Variants in PRXL2C observed in about 807,000 individuals in gnomAD.
PRXL2C encodes peroxiredoxin like 2C, also known as peroxiredoxin-like 2C.
In PRXL2C, 38 loss-of-function variants were observed where a neutral mutation model predicts 24.9. The ratio of observed to expected loss-of-function variants is 1.53; its 90% CI spans 1.18 to 2.00. The LOEUF (loss-of-function observed/expected upper bound fraction) is 2.00. PRXL2C is among the 30% of genes most tolerant of loss of function. The pLI is 0.00. For synonymous variants in PRXL2C, 98 were observed against 117.2 expected (o/e 0.84, Z 1.06); for missense variants, 294 against 290.9 (o/e 1.01, Z -0.08).
At chr9:96,647,498 AT>A (rs1487134250) in intron 4 of PRXL2C, among the ~76,000 whole-genome samples, 3 of 152,198 alleles carry the variant, frequency 2.0e-5, no homozygotes, top group Non-Finnish European at 2.9e-5. Context: ...GCTCACTAGC[AT>A]AGAGACTTGA....
intron 4 of PRXL2C, among the ~76,000 whole-genome samples, chr9:96,648,903 A>G (rs1848230479): frequency 6.6e-6 from 1 of 152,048 alleles, no homozygotes; most frequent in African/African-American, 2.4e-5. Context: ...TCTCCCGAGT[A>G]GCTGGGATTA....
intron 5 of PRXL2C, among the ~76,000 whole-genome samples, chr9:96,643,935 C>T (rs1188029855): frequency 6.6e-6 from 1 of 151,908 alleles, no homozygotes; most frequent in Non-Finnish European, 1.5e-5. Context: ...GTAATTGAGA[C>T]CATTCTGGCC....
chr9:96,649,637 C>T (rs1848244180), intron 4 of PRXL2C, among the ~76,000 whole-genome samples: 1 of 151,770 alleles, frequency 6.6e-6, no homozygotes, highest in South Asian at 2.1e-4. Context: ...AAACAGCTCC[C>T]AGACCCATCC....
rs1339275472 is a variant in PRXL2C, at chr9:96,645,794, C to A, written c.553+99G>T. The A allele has an allele frequency of 3.0e-6, 4 of 1,330,304 alleles. No individual in the cohort carries two copies. In the South Asian group the frequency reaches 6.0e-5, roughly 20 times the overall value. 82.4% of individuals were successfully genotyped at this position (1,330,304 alleles called of 1,614,324 possible). On this transcript the variant is annotated intron_variant, in intron 5 of 5. Transcript: ENST00000375234. ...CCTTGGCGACAGAGCGAGACTCCCTCTCGAAAAAAAAAAAAAAGGAAAAGA... is the reference window on the plus strand; with the variant it reads ...CCTTGGCGACAGAGCGAGACTCCCTATCGAAAAAAAAAAAAAAGGAAAAGA...
In PRXL2C at chr9:96,645,929, G is replaced by C. The variant is rs200680221; in HGVS notation, c.517C>G (p.Pro173Ala). 115 of 1,613,344 alleles carry C rather than the reference G, an allele frequency of 7.1e-5. No individual in the cohort carries two copies. Among genetic ancestry groups the C allele is most frequent in the Middle Eastern group, 3.4e-4 (2 of 5,858 alleles). ...ATGAGGGTTCCACCTTGCTGAGCTG[G>C]GTCTCCTTGAAAATCAAAGAGAGGG... ...TGPLFDFQGDPAQQGGTLILG... is the reference protein window; with the variant it reads ...TGPLFDFQGDAAQQGGTLILG... Residue 173 changes from proline to alanine, a missense_variant, in exon 5 of 6, where the codon CCA becomes GCA. Pro to Ala is a conservative substitution (Grantham distance 27). Transcript: ENST00000375234.
intron 2 of PRXL2C, among the ~76,000 whole-genome samples, chr9:96,653,602 T>G (rs1345135402): frequency 6.6e-6 from 1 of 152,192 alleles, no homozygotes; most frequent in Non-Finnish European, 1.5e-5. Context: ...CACAAAAAAC[T>G]AAAATCACTA....
chr9:96,655,052 T>G (rs771491568), intron 1 of PRXL2C, 38 bp downstream of exon 1: 1 of 1,456,922 alleles, frequency 6.9e-7, no homozygotes, highest in South Asian at 1.3e-5. Context: ...CCCGGGACCC[T>G]GGGCCGCGCT....
At position 96,654,752 on chromosome 9, in the gene PRXL2C, T is replaced by G. The variant is rs2119196170; in HGVS notation, c.214A>C (p.Lys72Gln). The change falls in exon 2 of 6, where the codon AAG becomes CAG. Residue 72 changes from lysine to glutamine, a missense_variant. Transcript: ENST00000375234. ...TTGGCCAGATCCTCTACGTATTCCTTGCAGATGTAACACAGGAAATGCTGA... is the reference window on the plus strand; with the variant it reads ...TTGGCCAGATCCTCTACGTATTCCTGGCAGATGTAACACAGGAAATGCTGA... ...FVRHFLCYIC[K>Q]EYVEDLAKIP... 2 of 1,566,688 alleles carry G rather than the reference T, an allele frequency of 1.3e-6. No homozygotes were observed. Among genetic ancestry groups the G allele is most frequent in the Middle Eastern group, 1.7e-4 (1 of 6,010 alleles).
At chr9:96,642,820 G>A (rs1317657577) in intron 5 of PRXL2C, among the ~76,000 whole-genome samples, 1 of 152,144 alleles carries the variant, frequency 6.6e-6, no homozygotes, top group African/African-American at 2.4e-5. Context: ...TGGGATTACA[G>A]GTGTAAGCCA....
In PRXL2C at chr9:96,646,030, A is replaced by G. The variant is rs1212996942; in HGVS notation, c.422-6T>C. On this transcript the variant is annotated splice_region_variant and splice_polypyrimidine_tract_variant and intron_variant, in intron 4 of 5. Coordinates refer to ENST00000375234, the MANE Select transcript of PRXL2C (RefSeq NM_153698.2). ...TTTTATGTGGGGGCTCTGTCCTGAA[A>G]TGTCGAAAATTGTCTTTAGATGTCA... 6.3e-7 allele frequency: 1 copy of G among 1,591,790 alleles called. No homozygotes were observed. The highest frequency in any genetic ancestry group is 8.5e-7 in the Non-Finnish European group (1 of 1,172,556).
chr9:96,652,391 T>C (rs1414109473), intron 2 of PRXL2C, among the ~76,000 whole-genome samples: 1 of 151,928 alleles, frequency 6.6e-6, no homozygotes, highest in Non-Finnish European at 1.5e-5. Context: ...TGTGGTGGCA[T>C]GTGCCTGTAA....
chr9:96,655,031 C>G, intron 1 of PRXL2C, 59 bp downstream of exon 1: 1 of 1,428,106 alleles, frequency 7.0e-7, no homozygotes, highest in South Asian at 1.4e-5. Flanking sequence ...GGCTCGCATC[C>G]CGGCAGCCTG....
intron 4 of PRXL2C, among the ~76,000 whole-genome samples, chr9:96,650,677 T>G (rs1458286887): frequency 6.6e-6 from 1 of 152,036 alleles, no homozygotes; most frequent in Non-Finnish European, 1.5e-5. Flanking sequence ...GGTATAAAAT[T>G]ATGTGAACTT....
At chr9:96,650,277 T>C (rs1848250824) in intron 4 of PRXL2C, among the ~76,000 whole-genome samples, 1 of 152,112 alleles carries the variant, frequency 6.6e-6, no homozygotes, top group Non-Finnish European at 1.5e-5. Flanking sequence ...TCCAACACAG[T>C]GGGTATCAAA....
chr9:96,649,583 C>CA lies in PRXL2C; in HGVS notation c.421+1806dup, dbSNP rs202100759. On this transcript the variant is annotated intron_variant, in intron 4 of 5. Coordinates refer to ENST00000375234, the MANE Select transcript of PRXL2C (RefSeq NM_153698.2). Reference sequence around the variant, plus strand: ...CTGTTTCAAAACAAAAAACAAAAAACAAAAAAAAACCCATCAATAAAGGGA... The same window carrying CA: ...CTGTTTCAAAACAAAAAACAAAAAACAAAAAAAAAACCCATCAATAAAGGGA... Among the ~76,000 whole-genome samples, 196 of 147,868 alleles carry CA rather than the reference C, an allele frequency of 1.3e-3. 5 individuals carry two copies. Among genetic ancestry groups the CA allele is most frequent in the East Asian group, 2.1e-3 (11 of 5,146 alleles).
intron 4 of PRXL2C, among the ~76,000 whole-genome samples, chr9:96,648,123 G>A (rs1049669812): frequency 1.1e-4 from 17 of 151,044 alleles, no homozygotes; most frequent in African/African-American, 3.4e-4. Context: ...GGCTGGTCTC[G>A]AACTCCTACA....
intron 4 of PRXL2C, among the ~76,000 whole-genome samples, chr9:96,650,579 T>C (rs1393586126): frequency 6.6e-6 from 1 of 152,030 alleles, no homozygotes; most frequent in Non-Finnish European, 1.5e-5. Flanking sequence ...TGAAGAGTGA[T>C]TCAGAGCCCC....
At chr9:96,651,770 AC>A in intron 2 of PRXL2C, 58 bp from the exon 3 acceptor site, 1 of 1,418,910 alleles carries the variant, frequency 7.0e-7, no homozygotes, top group Non-Finnish European at 9.8e-7. Context: ...GTTTTATACA[AC>A]ATCCCTTAAC....
Position 96,639,657 on chromosome 9 carries a change from T to G in PRXL2C, c.*2102A>C, listed in dbSNP as rs148935100. ...ATATTCAAATATTTGAATACATTAG[T>G]TTTTTTTGTAACTTTATATGCTTCA... On this transcript the variant is annotated 3_prime_UTR_variant, in exon 6 of 6. Coordinates refer to ENST00000375234, the MANE Select transcript of PRXL2C (RefSeq NM_153698.2). The G allele has an allele frequency of 2.6e-5, 4 of 151,930 alleles. No homozygotes were observed. The highest frequency in any genetic ancestry group is 4.4e-5 in the Non-Finnish European group (3 of 67,974). The allele number at this position is 151,930 out of a possible 1,614,324, so 9.4% of individuals were successfully genotyped here.
Sources: allele counts gnomAD v4.1 joint callset (sites outside exome capture counted in the v4.1 genomes callset), GRCh38; gene constraint gnomAD v4.1.1; transcripts MANE v1.5; gene names NCBI Gene and HGNC (gene_info 2026-07-23, HGNC 2026-07-21).